Variants in ZNF69 observed in about 807,000 individuals in gnomAD.
ZNF69 encodes the protein ZNF3.
ZNF69 carries 47 observed loss-of-function variants against 50.9 expected under a neutral mutation model. The ratio of observed to expected loss-of-function variants is 0.92; its 90% CI spans 0.73 to 1.18. The LOEUF (loss-of-function observed/expected upper bound fraction) is 1.18. ZNF69 is among the 50% of genes most tolerant of loss of function. The probability of loss-of-function intolerance (pLI) is 0.00; values close to 1 mark genes in which losing one functional copy is unlikely to be tolerated. For synonymous variants in ZNF69, 216 were observed against 223.1 expected (o/e 0.97, Z 0.29); for missense variants, 717 against 675.1 (o/e 1.06, Z -0.69).
At chr19:11,958,427 C>G in the ZNF69 span, among the ~76,000 whole-genome samples, 1 of 152,134 alleles carries the variant, frequency 6.6e-6, no homozygotes, top group Non-Finnish European at 1.5e-5. Context: ...TGAGTGGTTG[C>G]ATGACTGCTT....
chr19:11,976,852 A>T, the ZNF69 span: 1 of 1,435,194 alleles, frequency 7.0e-7, no homozygotes. Context: ...TTGTTTTGAA[A>T]ATCCATCTCA....
the ZNF69 span, chr19:11,948,366 C>A: frequency 1.9e-6 from 3 of 1,613,952 alleles, no homozygotes; most frequent in Admixed American, 1.7e-5. Context: ...GACTGAACTT[C>A]CAGGAGAAGA....
the ZNF69 span, among the ~76,000 whole-genome samples, chr19:11,943,823 A>G: frequency 6.6e-6 from 1 of 152,272 alleles, no homozygotes; most frequent in Non-Finnish European, 1.5e-5. Context: ...TAAGGAGAAT[A>G]AGTCCCATGA....
the ZNF69 span, chr19:11,948,597 GAA>G: frequency 1.2e-6 from 2 of 1,608,966 alleles, no homozygotes; most frequent in Non-Finnish European, 1.7e-6. Flanking sequence ...ACACTGGAGA[GAA>G]ACCCTATGCT....
At chr19:11,948,379 GCTT>G in the ZNF69 span, 1 of 1,613,870 alleles carries the variant, frequency 6.2e-7, no homozygotes, top group African/African-American at 1.3e-5. Context: ...GGAGAAGAAA[GCTT>G]CTCCTGAAGT....
chr19:11,957,138 C>G, the ZNF69 span, among the ~76,000 whole-genome samples: 17 of 150,050 alleles, frequency 1.1e-4, no homozygotes, highest in Admixed American at 1.1e-3. Context: ...GTCGCCCAGG[C>G]TGGAGTGCAG....
chr19:11,960,427 A>G, the ZNF69 span, among the ~76,000 whole-genome samples: 7 of 152,108 alleles, frequency 4.6e-5, no homozygotes, highest in Non-Finnish European at 1.0e-4. Flanking sequence ...GGCTTGAGCA[A>G]TCCTCTCACC....
chr19:11,977,069 A>T, the ZNF69 span: 1 of 1,614,038 alleles, frequency 6.2e-7, no homozygotes, highest in African/African-American at 1.3e-5. Context: ...GTTGCTGTGA[A>T]CTTCACCCAG....
chr19:11,955,516 C>T, the ZNF69 span, among the ~76,000 whole-genome samples: 1 of 151,820 alleles, frequency 6.6e-6, no homozygotes, highest in Non-Finnish European at 1.5e-5. Flanking sequence ...ACCTCAGCCT[C>T]CCTAATAGCT....
chr19:11,963,088 AGT>A, the ZNF69 span, among the ~76,000 whole-genome samples: 244 of 137,584 alleles, frequency 1.8e-3, 1 homozygote, highest in Non-Finnish European at 2.1e-3. Flanking sequence ...AGAGAGAGAG[AGT>A]GTGTGTGTGT....
At chr19:11,926,789 C>T in the ZNF69 span, 1 of 154,024 alleles carries the variant, frequency 6.5e-6, no homozygotes, top group Non-Finnish European at 1.5e-5. Context: ...TGCAGAGATG[C>T]AGTTGCCTTA....
At chr19:11,948,271 T>G in the ZNF69 span, 4 of 1,611,008 alleles carry the variant, frequency 2.5e-6, no homozygotes, top group Non-Finnish European at 3.4e-6. Context: ...TCTCATGTTT[T>G]ACAGGAGTCT....
chr19:11,916,604 G>A (rs1175190513), downstream of ZNF69, among the ~76,000 whole-genome samples: 1 of 152,168 alleles, frequency 6.6e-6, no homozygotes, highest in Non-Finnish European at 1.5e-5. Context: ...TACAGAACAA[G>A]ACTGTCTCAA....
At chr19:11,962,260 T>G in the ZNF69 span, among the ~76,000 whole-genome samples, 5 of 152,100 alleles carry the variant, frequency 3.3e-5, no homozygotes, top group Non-Finnish European at 7.4e-5. Context: ...CTACTAAAAA[T>G]ACAAAAAATT....
chr19:11,950,330 T>C, the ZNF69 span: 4 of 1,458,156 alleles, frequency 2.7e-6, no homozygotes, highest in East Asian at 2.3e-5. Context: ...GGCAAAACTT[T>C]CACATTTTCC....
chr19:11,964,025 G>A, the ZNF69 span, among the ~76,000 whole-genome samples: 1 of 152,248 alleles, frequency 6.6e-6, no homozygotes, highest in Admixed American at 6.5e-5. Flanking sequence ...TCATGGAACT[G>A]ATCAGTCGGG....
intron 1 of ZNF69, among the ~76,000 whole-genome samples, chr19:11,903,008 A>G (rs898205157): frequency 1.3e-5 from 2 of 152,198 alleles, no homozygotes; most frequent in Non-Finnish European, 2.9e-5. Context: ...GTGGTGGCAC[A>G]TGCCTGTGGT....
At chr19:11,948,814 A>C in the ZNF69 span, 1 of 1,608,750 alleles carries the variant, frequency 6.2e-7, no homozygotes, top group African/African-American at 1.3e-5. Context: ...TTATTCTGCT[A>C]CCCTTCAAAT....
the ZNF69 span, among the ~76,000 whole-genome samples, chr19:11,935,233 GTTTTTTTTTTTT>G: frequency 1.1e-5 from 1 of 93,234 alleles, no homozygotes; most frequent in East Asian, 3.4e-4. Context: ...GAAAGATCTT[GTTTTTTTTTTTT>G]TTTTTTTTTG....
Sources: gnomAD v4.1 joint callset for allele counts (sites outside exome capture counted in the v4.1 genomes callset) on GRCh38, gnomAD v4.1.1 for gene constraint, MANE v1.5 for transcripts, NCBI Gene and HGNC (gene_info 2026-07-23, HGNC 2026-07-21) for gene names.